Variants in TMEM163 observed in about 807,000 individuals in gnomAD.
TMEM163 encodes transmembrane protein 163.
Under a neutral mutation model 29.3 loss-of-function variants are expected in TMEM163, and 17 were observed. That is an observed-to-expected ratio of 0.58 (90% CI 0.40 to 0.87). The LOEUF (loss-of-function observed/expected upper bound fraction) is 0.87. Ranked by LOEUF, TMEM163 falls within the 40% of genes least tolerant of loss-of-function variation. The pLI is 0.00. For synonymous variants in TMEM163, 157 were observed against 160.6 expected (o/e 0.98, Z 0.17); for missense variants, 303 against 381.5 (o/e 0.79, Z 1.71).
intron 2 of TMEM163, among the ~76,000 whole-genome samples, chr2:134,582,820 G>A (rs1021186952): frequency 3.3e-5 from 5 of 152,110 alleles, no homozygotes; most frequent in African/African-American, 9.7e-5. Context: ...GCTGGGGGTC[G>A]CCTCCATCCT....
chr2:134,695,918 G>C (rs368324002), intron 2 of TMEM163, among the ~76,000 whole-genome samples: 2 of 152,098 alleles, frequency 1.3e-5, no homozygotes, highest in South Asian at 4.1e-4. Flanking sequence ...CAGGCGTGGT[G>C]GTGGGTGCCT....
chr2:134,713,655 T>C, intron 1 of TMEM163: 1 of 482,088 alleles, frequency 2.1e-6, no homozygotes, highest in South Asian at 1.5e-5. Flanking sequence ...TGGCCTCAGG[T>C]AGATGCTGTT....
At chr2:134,692,102 C>T (rs1394081110) in intron 2 of TMEM163, among the ~76,000 whole-genome samples, 6 of 152,012 alleles carry the variant, frequency 3.9e-5, no homozygotes, top group African/African-American at 1.2e-4. Flanking sequence ...TTTGAAGATG[C>T]CAGCCTTAAA....
intron 2 of TMEM163, among the ~76,000 whole-genome samples, chr2:134,660,742 G>A (rs1426923324): frequency 6.6e-6 from 1 of 152,194 alleles, no homozygotes; most frequent in African/African-American, 2.4e-5. Context: ...ACCCCAATTG[G>A]ATCCTCATTA....
chr2:134,556,202 C>T (rs919604116), intron 2 of TMEM163, among the ~76,000 whole-genome samples: 1 of 152,142 alleles, frequency 6.6e-6, no homozygotes, highest in African/African-American at 2.4e-5. Context: ...TTAAATCAGT[C>T]CTGCCTGATC....
intron 4 of TMEM163, among the ~76,000 whole-genome samples, chr2:134,516,332 G>A (rs757507469): frequency 4.6e-5 from 7 of 151,986 alleles, no homozygotes; most frequent in South Asian, 4.2e-4. Context: ...AGGCCGAGAC[G>A]GGCAGATCAC....
chr2:134,535,399 G>A (rs528219431), intron 4 of TMEM163, among the ~76,000 whole-genome samples: 4 of 152,148 alleles, frequency 2.6e-5, no homozygotes, highest in Admixed American at 6.6e-5. Flanking sequence ...TTGTTCTGTC[G>A]CCCTAAGAAA....
intron 4 of TMEM163, among the ~76,000 whole-genome samples, chr2:134,540,693 C>A (rs773962415): frequency 3.3e-5 from 5 of 152,218 alleles, no homozygotes; most frequent in Non-Finnish European, 5.9e-5. Context: ...AACCAGGAGC[C>A]TTCAGGAACA....
chr2:134,596,120 G>T (rs969983832), intron 2 of TMEM163, among the ~76,000 whole-genome samples: 2 of 152,140 alleles, frequency 1.3e-5, no homozygotes. Context: ...AGTTTAATTC[G>T]ATCTCATTTG....
intron 4 of TMEM163, among the ~76,000 whole-genome samples, chr2:134,516,794 T>TATATATGAATATATATATATGCAG (rs1491284117): frequency 6.8e-6 from 1 of 147,762 alleles, no homozygotes; most frequent in Non-Finnish European, 1.5e-5. Flanking sequence ...TATATATGCA[T>TATATATGAATATATATATATGCAG]GTATGTATGA....
chr2:134,646,714 G>A (rs941327065), intron 2 of TMEM163, among the ~76,000 whole-genome samples: 2 of 152,138 alleles, frequency 1.3e-5, no homozygotes, highest in African/African-American at 4.8e-5. Context: ...CAAAGTGCTA[G>A]GATTATAGGC....
chr2:134,656,092 G>A (rs1465438564), intron 2 of TMEM163, among the ~76,000 whole-genome samples: 1 of 143,602 alleles, frequency 7.0e-6, no homozygotes, highest in South Asian at 2.2e-4. Flanking sequence ...CGAGCTTCCT[G>A]GCTGCTTTGT....
intron 2 of TMEM163, among the ~76,000 whole-genome samples, chr2:134,578,753 AGT>A (rs146812904): frequency 1.5e-4 from 23 of 151,844 alleles, no homozygotes; most frequent in East Asian, 5.8e-4. Context: ...AACTGGTTTG[AGT>A]GTGTGTGTGT....
At chr2:134,541,801 C>T (rs1308308902) in intron 4 of TMEM163, among the ~76,000 whole-genome samples, 1 of 142,502 alleles carries the variant, frequency 7.0e-6, no homozygotes, top group Non-Finnish European at 1.5e-5. Flanking sequence ...CACACACACA[C>T]ATACACACAC....
At chr2:134,633,880 T>C (rs1683033154) in intron 2 of TMEM163, among the ~76,000 whole-genome samples, 1 of 149,648 alleles carries the variant, frequency 6.7e-6, no homozygotes, top group Non-Finnish European at 1.5e-5. Context: ...GAGAATCACT[T>C]GAACCCAGGA....
intron 2 of TMEM163, among the ~76,000 whole-genome samples, chr2:134,569,884 T>C (rs1681381944): frequency 6.6e-6 from 1 of 152,158 alleles, no homozygotes; most frequent in South Asian, 2.1e-4. Context: ...TGTGATAAAA[T>C]CTCACACTAC....
chr2:134,618,919 C>A (rs1682668939), intron 2 of TMEM163, among the ~76,000 whole-genome samples: 1 of 151,984 alleles, frequency 6.6e-6, no homozygotes, highest in African/African-American at 2.4e-5. Context: ...AAGCTTCTAT[C>A]ACTAAAGGAA....
intron 5 of TMEM163, among the ~76,000 whole-genome samples, chr2:134,484,436 T>C (rs1326484058): frequency 6.6e-6 from 1 of 152,070 alleles, no homozygotes; most frequent in East Asian, 1.9e-4. Context: ...TCCAGCACTT[T>C]GGGAGGCTGA....
intron 2 of TMEM163, among the ~76,000 whole-genome samples, chr2:134,585,985 T>C (rs752067074): frequency 4.6e-5 from 7 of 152,184 alleles, no homozygotes; most frequent in Non-Finnish European, 7.3e-5. Context: ...GACTTAAGAC[T>C]TTTTGAAAGA....
Sources: gnomAD v4.1 joint callset for allele counts (sites outside exome capture counted in the v4.1 genomes callset) on GRCh38, gnomAD v4.1.1 for gene constraint, MANE v1.5 for transcripts, NCBI Gene and HGNC (gene_info 2026-07-23, HGNC 2026-07-21) for gene names.